Variants in HCLS1 observed in about 807,000 individuals in gnomAD.
HCLS1 encodes the protein hematopoietic cell-specific Lyn substrate 1, also known as hematopoietic lineage cell-specific protein.
In HCLS1, 44 loss-of-function variants were observed where a neutral mutation model predicts 68.6. The observed-to-expected ratio is 0.64, with a 90% CI of 0.50 to 0.82. HCLS1 has a LOEUF of 0.82. Ranked by LOEUF, HCLS1 falls within the 40% of genes least tolerant of loss-of-function variation. The pLI is 0.00. For missense variants in HCLS1, 602 were observed against 612.1 expected, an observed-to-expected ratio of 0.98 and a Z score of 0.17; for synonymous variants, 217 against 225.8, an observed-to-expected ratio of 0.96 and a Z score of 0.35.
intron 3 of HCLS1, chr3:121,654,305 G>A (rs749176945): frequency 2.6e-5 from 4 of 152,132 alleles, no homozygotes; most frequent in Non-Finnish European, 5.9e-5. Context: ...ACAACATCGT[G>A]ATTTTATATC....
intron 8 of HCLS1, 95 bp from the exon 9 acceptor site, chr3:121,635,899 G>T: frequency 6.5e-6 from 6 of 916,846 alleles, no homozygotes; most frequent in Non-Finnish European, 5.4e-6. Context: ...ACTATAAGAG[G>T]TATCCCTAAC....
intron 3 of HCLS1, among the ~76,000 whole-genome samples, chr3:121,649,108 T>G (rs1410879983): frequency 1.3e-5 from 2 of 152,212 alleles, no homozygotes; most frequent in Non-Finnish European, 2.9e-5. Flanking sequence ...TCAGAAATAT[T>G]CATCTAAAGG....
At chr3:121,635,271 CT>C (rs2049140187) in intron 9 of HCLS1, among the ~76,000 whole-genome samples, 1 of 145,802 alleles carries the variant, frequency 6.9e-6, no homozygotes, top group Non-Finnish European at 1.5e-5. Flanking sequence ...CTCTCTCTCT[CT>C]CTCCTCTCTC....
intron 1 of HCLS1, among the ~76,000 whole-genome samples, chr3:121,659,074 C>T (rs934767468): frequency 1.3e-5 from 2 of 152,140 alleles, no homozygotes; most frequent in African/African-American, 4.8e-5. Context: ...TTCAAGTTGA[C>T]AATTTACCGT....
intron 6 of HCLS1, among the ~76,000 whole-genome samples, chr3:121,640,413 C>T (rs562754075): frequency 6.6e-6 from 1 of 151,980 alleles, no homozygotes; most frequent in African/African-American, 2.4e-5. Flanking sequence ...AACAAGATTA[C>T]AAACCATCAA....
At chr3:121,651,645 C>T (rs1012972597) in intron 3 of HCLS1, among the ~76,000 whole-genome samples, 1 of 152,284 alleles carries the variant, frequency 6.6e-6, no homozygotes, top group Admixed American at 6.5e-5. Context: ...GTCTTGAACT[C>T]CTGGGCTCAA....
intron 3 of HCLS1, chr3:121,653,568 A>G (rs1021375159): frequency 1.6e-4 from 24 of 152,350 alleles, no homozygotes; most frequent in African/African-American, 5.5e-4. Flanking sequence ...GGATGGTACT[A>G]TAATCTCCAG....
chr3:121,650,200 G>A (rs772043240), intron 3 of HCLS1, among the ~76,000 whole-genome samples: 1 of 152,178 alleles, frequency 6.6e-6, no homozygotes, highest in Non-Finnish European at 1.5e-5. Context: ...GATATCCCAT[G>A]TTCATGGATT....
intron 3 of HCLS1, among the ~76,000 whole-genome samples, chr3:121,649,385 A>G (rs2107474126): frequency 6.6e-6 from 1 of 152,120 alleles, no homozygotes; most frequent in Middle Eastern, 3.4e-3. Flanking sequence ...ACAGGCATGC[A>G]TGTCATGCCC....
intron 3 of HCLS1, among the ~76,000 whole-genome samples, chr3:121,651,828 T>C (rs191133665): frequency 1.4e-4 from 21 of 152,348 alleles, no homozygotes; most frequent in African/African-American, 5.1e-4. Flanking sequence ...GGAAAAGAGT[T>C]TGAGAGTCTC....
rs374566386 is a variant in HCLS1 at position 121,647,426 on chromosome 3, C to T, written c.181G>A (p.Val61Ile). The change falls in exon 4 of 14, where the codon GTA becomes ATA. Residue 61 changes from valine to isoleucine, a missense_variant. Physicochemically the swap from Val to Ile is conservative, Grantham distance 29. Transcript: ENST00000314583. ...CTGAGAACATCATGCTCCTCTGATACTTTGTTCCTCAGCTGGTGGATGCTG... is the reference window on the plus strand; with the variant it reads ...CTGAGAACATCATGCTCCTCTGATATTTTGTTCCTCAGCTGGTGGATGCTG... Reference protein sequence around the residue: ...HINIHQLRNKVSEEHDVLRKK... With the variant: ...HINIHQLRNKISEEHDVLRKK... 1.3e-4 allele frequency: 217 copies of T among 1,614,000 alleles called. No homozygotes were observed. The highest frequency in any genetic ancestry group is 1.8e-4 in the Non-Finnish European group (216 of 1,180,020).
intron 6 of HCLS1, among the ~76,000 whole-genome samples, chr3:121,641,545 TATAAGATGGAATCAATA>T (rs2049198354): frequency 6.6e-6 from 1 of 152,234 alleles, no homozygotes; most frequent in Non-Finnish European, 1.5e-5. Context: ...TTGTGGGGTT[TATAAGATGGAATCAATA>T]ATAAGATGGA....
intron 1 of HCLS1, among the ~76,000 whole-genome samples, chr3:121,659,211 A>T (rs1003373878): frequency 6.6e-6 from 1 of 152,214 alleles, no homozygotes; most frequent in Non-Finnish European, 1.5e-5. Context: ...TGCCAAACTT[A>T]TTCTGCTGGG....
At chr3:121,644,065 A>C (rs1175726061) in intron 5 of HCLS1, 1 of 153,212 alleles carries the variant, frequency 6.5e-6, no homozygotes. Context: ...ATGCATGTCC[A>C]CCTAATTAAC....
At chr3:121,660,255 T>C (rs1270605016) in intron 1 of HCLS1, among the ~76,000 whole-genome samples, 2 of 152,224 alleles carry the variant, frequency 1.3e-5, no homozygotes, top group African/African-American at 4.8e-5. Flanking sequence ...TGGAAAATAA[T>C]GAAGGGGTTA....
At position 121,647,349 on chromosome 3, in the gene HCLS1, C is replaced by A; in HGVS notation, c.258G>T (p.Arg86=). ...GPKASHGYGG[R]FGVERDRMDK... ...CCATTCGGTCTCTTTCTACTCCAAACCGACCTCCATAGCCATGGGATGCTT... is the reference window on the plus strand; with the variant it reads ...CCATTCGGTCTCTTTCTACTCCAAAACGACCTCCATAGCCATGGGATGCTT... Residue 86 remains arginine, a synonymous_variant, in exon 4 of 14, where the codon CGG becomes CGT. Coordinates refer to ENST00000314583, the MANE Select transcript of HCLS1 (RefSeq NM_005335.6). The A allele has an allele frequency of 6.2e-7, 1 of 1,614,056 alleles. No homozygotes were observed. Among genetic ancestry groups the A allele is most frequent in the Non-Finnish European group, 8.5e-7 (1 of 1,179,974 alleles).
At chr3:121,646,988 T>TA (rs1053959894) in intron 4 of HCLS1, among the ~76,000 whole-genome samples, 1 of 146,328 alleles carries the variant, frequency 6.8e-6, no homozygotes, top group African/African-American at 2.5e-5. Context: ...TTTATTTATT[T>TA]TTTTTTTTTT....
In HCLS1 at chr3:121,658,340, T is replaced by A. The variant is rs761892813; in HGVS notation, c.8A>T (p.Lys3Met). MWKSVVGHDVSVS... is the reference protein window; with the variant it reads MWMSVVGHDVSVS... ...AGACACATCATGGCCCACTACAGAC[T>A]TCCACATCTGAGAGTGACCGGAGAT... The change falls in exon 2 of 14, where the codon AAG (lysine) becomes ATG (methionine). Residue 3 changes from lysine (K) to methionine (M), a missense_variant. By Grantham distance (95) the Lys-to-Met change is moderately conservative. Coordinates refer to ENST00000314583, the MANE Select transcript of HCLS1 (RefSeq NM_005335.6). 6.2e-7 allele frequency: 1 copy of A among 1,612,802 alleles called. No homozygotes were observed. Among genetic ancestry groups the A allele is most frequent in the South Asian group, 1.1e-5 (1 of 91,060 alleles).
intron 4 of HCLS1, among the ~76,000 whole-genome samples, chr3:121,645,962 C>A (rs2049242590): frequency 7.5e-6 from 1 of 133,652 alleles, no homozygotes. Flanking sequence ...TTTACATTTA[C>A]TTATAATTAT....
Sources: gnomAD v4.1 joint callset for allele counts (sites outside exome capture counted in the v4.1 genomes callset) on GRCh38, gnomAD v4.1.1 for gene constraint, MANE v1.5 for transcripts, NCBI Gene and HGNC (gene_info 2026-07-23, HGNC 2026-07-21) for gene names.